RASSF6: variants seen among roughly 807,000 people sequenced by gnomAD.
RASSF6 encodes Ras association domain family member 6.
In RASSF6, 52 loss-of-function variants were observed where a neutral mutation model predicts 44.0. That is an observed-to-expected ratio of 1.18 (90% CI 0.95 to 1.49). The LOEUF is 1.49. RASSF6 is among the 40% of genes most tolerant of loss of function. The probability of loss-of-function intolerance (pLI) is 0.00; values close to 1 mark genes in which losing one functional copy is unlikely to be tolerated. For synonymous variants in RASSF6, 162 were observed against 124.6 expected (o/e 1.30, Z -2.00); for missense variants, 464 against 393.3 (o/e 1.18, Z -1.52).
At chr4:73,594,916 A>G (rs1247567777) in intron 3 of RASSF6, among the ~76,000 whole-genome samples, 4 of 152,230 alleles carry the variant, frequency 2.6e-5, no homozygotes, top group Non-Finnish European at 5.9e-5. Flanking sequence ...CTTCATTGCT[A>G]TATCTCCAGC....
At chr4:73,584,583 G>A (rs967311763) in intron 6 of RASSF6, among the ~76,000 whole-genome samples, 5 of 152,128 alleles carry the variant, frequency 3.3e-5, no homozygotes, top group Admixed American at 6.6e-5. Flanking sequence ...ATGGCAACAT[G>A]AGAAGTTTGA....
intron 8 of RASSF6, among the ~76,000 whole-genome samples, chr4:73,576,991 A>G (rs1006895427): frequency 6.6e-6 from 1 of 152,178 alleles, no homozygotes; most frequent in African/African-American, 2.4e-5. Context: ...CTCCGGTCTG[A>G]TAGGCCTTTT....
intron 8 of RASSF6, among the ~76,000 whole-genome samples, chr4:73,579,797 C>G (rs1723482711): frequency 6.6e-6 from 1 of 151,722 alleles, no homozygotes; most frequent in African/African-American, 2.4e-5. Context: ...TTCTTTCTTT[C>G]CTAAACAACT....
chr4:73,601,423 C>T lies in RASSF6; in HGVS notation c.66-2705G>A, dbSNP rs764444459. Among the ~76,000 whole-genome samples, 35 of 152,232 alleles carry T rather than the reference C, an allele frequency of 2.3e-4. No individual in the cohort carries two copies. In the South Asian group the frequency reaches 2.5e-3, roughly 11 times the overall value. On this transcript the variant is annotated intron_variant, in intron 2 of 10. Transcript: ENST00000307439. Reference sequence around the variant, plus strand: ...TAATCTGGCTCTTCGCAGAGAAAGTCTTCCAATCTGTAATCCACTGTGTAA... The same window carrying T: ...TAATCTGGCTCTTCGCAGAGAAAGTTTTCCAATCTGTAATCCACTGTGTAA...
intron 2 of RASSF6, among the ~76,000 whole-genome samples, chr4:73,608,102 C>T (rs1039473907): frequency 6.8e-6 from 1 of 146,924 alleles, no homozygotes; most frequent in African/African-American, 2.5e-5. Context: ...GGTATGCTCT[C>T]AAAAGTTATT....
At chr4:73,586,774 T>G (rs1724125623) in intron 5 of RASSF6, among the ~76,000 whole-genome samples, 1 of 151,804 alleles carries the variant, frequency 6.6e-6, no homozygotes, top group Non-Finnish European at 1.5e-5. Context: ...TAAAAGATAA[T>G]TGGAAGGGCC....
chr4:73,616,235 A>G (rs1726350574), intron 1 of RASSF6, among the ~76,000 whole-genome samples: 3 of 151,424 alleles, frequency 2.0e-5, no homozygotes, highest in African/African-American at 7.3e-5. Flanking sequence ...CTATCTATCT[A>G]TCTATCTATC....
At chr4:73,613,768 C>T (rs1726175974) in intron 1 of RASSF6, among the ~76,000 whole-genome samples, 1 of 152,194 alleles carries the variant, frequency 6.6e-6, no homozygotes, top group Non-Finnish European at 1.5e-5. Context: ...AATCACCTCA[C>T]TCTATTTTCC....
intron 4 of RASSF6, among the ~76,000 whole-genome samples, chr4:73,592,140 T>G (rs1345884449): frequency 6.6e-6 from 1 of 152,216 alleles, no homozygotes; most frequent in Non-Finnish European, 1.5e-5. Context: ...AATTAGAAAT[T>G]GCATGAAATG....
rs1467405858 is a variant in RASSF6 at position 73,593,510 on chromosome 4, A to G, written c.228T>C (p.Asp76=). 2 of 1,613,116 alleles carry G rather than the reference A, an allele frequency of 1.2e-6. No homozygotes were observed. The highest frequency in any genetic ancestry group is 1.7e-5 in the Admixed American group (1 of 59,974). Residue 76 remains aspartate (D), a synonymous_variant, in exon 4 of 11, where the codon GAT becomes GAC. Transcript: ENST00000307439. The part of the protein sequence containing the change: ...VKRPIQLKIQ[D]EKPFSSFTSM... ...TAGTAAAAGAAGAGAATGGCTTCTCATCTTGTATTTTTAGCTGTATAGGTC... is the reference window on the plus strand; with the variant it reads ...TAGTAAAAGAAGAGAATGGCTTCTCGTCTTGTATTTTTAGCTGTATAGGTC...
At position 73,580,970 on chromosome 4, in the gene RASSF6, A is replaced by T. The variant is rs527484442; in HGVS notation, c.721+847T>A. Among the ~76,000 whole-genome samples, 719 of 151,260 alleles carry T rather than the reference A, an allele frequency of 4.8e-3. 7 individuals are homozygous for T. Among genetic ancestry groups the T allele is most frequent in the African/African-American group, 0.015 (617 of 41,258 alleles). On this transcript the variant is annotated intron_variant, in intron 8 of 10. Coordinates refer to ENST00000307439, the MANE Select transcript of RASSF6 (RefSeq NM_177532.5). ...GCCCATGCCTATGTCCTGAATGGTA[A>T]TGCCTAGGTTTTCTTCTAGGGTTTT...
At chr4:73,586,420 A>C (rs1380350426) in intron 5 of RASSF6, among the ~76,000 whole-genome samples, 2 of 152,022 alleles carry the variant, frequency 1.3e-5, no homozygotes, top group Non-Finnish European at 2.9e-5. Flanking sequence ...GAGTAGGCAG[A>C]AGGTGTTTAA....
intron 5 of RASSF6, 71 bp downstream of exon 5, chr4:73,587,769 G>A: frequency 1.1e-6 from 1 of 874,106 alleles, no homozygotes; most frequent in Non-Finnish European, 1.9e-6. Context: ...AGATTTCAGA[G>A]AAACATATGG....
intron 6 of RASSF6, among the ~76,000 whole-genome samples, chr4:73,584,047 G>T (rs1723887000): frequency 6.6e-6 from 1 of 152,078 alleles, no homozygotes; most frequent in African/African-American, 2.4e-5. Context: ...CACAATTTCT[G>T]TGAAGAGGGA....
intron 2 of RASSF6, among the ~76,000 whole-genome samples, chr4:73,606,408 C>G (rs138816119): frequency 3.6e-4 from 55 of 152,222 alleles, no homozygotes; most frequent in Middle Eastern, 6.8e-3. Flanking sequence ...GCACTGGGGA[C>G]CACTAGATGC....
chr4:73,572,735 T>C lies in RASSF6; in HGVS notation c.*3500A>G, dbSNP rs998246342. On this transcript the variant is annotated 3_prime_UTR_variant, in exon 11 of 11. Coordinates refer to ENST00000307439, the MANE Select transcript of RASSF6 (RefSeq NM_177532.5). Reference sequence around the variant, plus strand: ...GAACTCTGTGCTTGCATGTGCTTGTTACTTTTTTGTTCATAAGTTTTAAAT... The same window carrying C: ...GAACTCTGTGCTTGCATGTGCTTGTCACTTTTTTGTTCATAAGTTTTAAAT... 1.3e-5 allele frequency: 2 copies of C among 152,202 alleles called. No homozygotes were observed. The highest frequency in any genetic ancestry group is 4.8e-5 in the African/African-American group (2 of 41,456). The allele number at this position is 152,202 out of a possible 1,614,324, so 9.4% of individuals were successfully genotyped here. A position where few individuals can be genotyped will look rare whatever the true frequency, so the allele number is the denominator to read the frequency against.
chr4:73,591,401 C>T (rs1326481400), intron 4 of RASSF6, among the ~76,000 whole-genome samples: 1 of 152,112 alleles, frequency 6.6e-6, no homozygotes, highest in Admixed American at 6.5e-5. Context: ...ATATTTATTA[C>T]ATTTTCATGA....
chr4:73,606,131 A>T (rs1725607467), intron 2 of RASSF6, among the ~76,000 whole-genome samples: 1 of 152,234 alleles, frequency 6.6e-6, no homozygotes, highest in Admixed American at 6.5e-5. Context: ...TTATCACAAC[A>T]CTATTCACAA....
chr4:73,607,853 C>T (rs1725747133), intron 2 of RASSF6, among the ~76,000 whole-genome samples: 1 of 145,292 alleles, frequency 6.9e-6, no homozygotes, highest in Non-Finnish European at 1.5e-5. Context: ...CCTACCCCTC[C>T]TCTCTACTCT....
Sources: allele counts gnomAD v4.1 joint callset (sites outside exome capture counted in the v4.1 genomes callset), GRCh38; gene constraint gnomAD v4.1.1; transcripts MANE v1.5; gene names NCBI Gene and HGNC (gene_info 2026-07-23, HGNC 2026-07-21).